SYTL5: variants seen among roughly 807,000 people sequenced by gnomAD.
The protein encoded by SYTL5 is synaptotagmin like 5, also known as synaptotagmin-like protein 5.
SYTL5 carries 34 observed loss-of-function variants against 55.9 expected under a neutral mutation model. That is an observed-to-expected ratio of 0.61 (90% CI 0.46 to 0.81). The LOEUF (loss-of-function observed/expected upper bound fraction) is 0.81. Among genes scored for constraint, SYTL5 ranks in the 30% least tolerant of loss-of-function variants. SYTL5 has a pLI of 0.00. For synonymous variants in SYTL5, 221 were observed against 188.7 expected, an observed-to-expected ratio of 1.17 and a Z score of -1.40; for missense variants, 637 against 546.7, an observed-to-expected ratio of 1.17 and a Z score of -1.65.
chrX:38,044,015 T>C (rs1249282350), intron 2 of SYTL5, among the ~76,000 whole-genome samples: 1 of 110,445 alleles, frequency 9.1e-6, no homozygotes, highest in Non-Finnish European at 1.9e-5. Flanking sequence ...TCTGAGAAAA[T>C]TGATTCAATT....
intron 13 of SYTL5, among the ~76,000 whole-genome samples, chrX:38,116,657 A>G (rs1281254615): frequency 8.9e-6 from 1 of 112,846 alleles, no homozygotes; most frequent in African/African-American, 3.2e-5. Context: ...TTTGTTTTCA[A>G]ATCTTTAGTT....
chrX:37,959,232 C>T, the SYTL5 span, among the ~76,000 whole-genome samples: 2 of 111,801 alleles, frequency 1.8e-5, no homozygotes, highest in Non-Finnish European at 3.8e-5. Context: ...CCCGCAGACC[C>T]TGACCTAAAC....
the SYTL5 span, among the ~76,000 whole-genome samples, chrX:37,988,548 A>G: frequency 8.9e-6 from 1 of 112,287 alleles, no homozygotes; most frequent in Non-Finnish European, 1.9e-5. Flanking sequence ...AGACTGGAAT[A>G]ATTTTCAGGA....
intron 6 of SYTL5, among the ~76,000 whole-genome samples, chrX:38,086,734 A>G (rs1358419037): frequency 8.9e-6 from 1 of 112,188 alleles, no homozygotes; most frequent in African/African-American, 3.2e-5. Context: ...AGATTCGTGT[A>G]TTTTATGTCA....
chrX:37,962,714 TC>T, the SYTL5 span, among the ~76,000 whole-genome samples: 64 of 112,124 alleles, frequency 5.7e-4, 1 homozygote, highest in African/African-American at 2.0e-3. Context: ...TTCCTATTTC[TC>T]CACATCCTCT....
At position 38,128,165 on chromosome X, in the gene SYTL5, T is replaced by C. The variant is rs1244939614; in HGVS notation, c.*1435T>C. 8.9e-6 allele frequency: 1 copy of C among 112,398 alleles called. No individual in the cohort carries two copies. The highest frequency in any genetic ancestry group is 1.9e-5 in the Non-Finnish European group (1 of 53,289). The allele number at this position is 112,398 out of a possible 1,213,427, so 9.3% of individuals were successfully genotyped here. On this transcript the variant is annotated 3_prime_UTR_variant, in exon 17 of 17. Transcript: ENST00000297875. The stretch of plus-strand genomic sequence containing the variant: ...AAGCTAGAAGGAACCTCAGGCCCAG[T>C]TGCTCATTTTGCAGATTCCAAATGT...
chrX:38,057,989 A>G (rs760820575), intron 3 of SYTL5, among the ~76,000 whole-genome samples: 10 of 110,679 alleles, frequency 9.0e-5, no homozygotes, highest in Non-Finnish European at 1.5e-4. Flanking sequence ...TACTAGAGGG[A>G]TTTTTTTCTG....
chrX:37,955,394 G>T, the SYTL5 span, among the ~76,000 whole-genome samples: 5 of 111,729 alleles, frequency 4.5e-5, no homozygotes, highest in African/African-American at 1.6e-4. Flanking sequence ...TTCAATTTAT[G>T]TAATAGATTT....
the SYTL5 span, among the ~76,000 whole-genome samples, chrX:37,930,995 G>A: frequency 8.9e-6 from 1 of 112,054 alleles, no homozygotes; most frequent in African/African-American, 3.2e-5. Context: ...CAGAATCAAG[G>A]GGTAGGAAAA....
chrX:38,004,637 C>T (rs533715441), upstream of SYTL5, among the ~76,000 whole-genome samples: 2 of 111,256 alleles, frequency 1.8e-5, no homozygotes, highest in African/African-American at 6.5e-5. Flanking sequence ...ATGGATGGAA[C>T]TGAAGGTCAT....
chrX:37,974,490 T>G, the SYTL5 span, among the ~76,000 whole-genome samples: 2 of 111,923 alleles, frequency 1.8e-5, no homozygotes, highest in African/African-American at 3.2e-5. Context: ...GAAAAGGTCC[T>G]AGACTTAGGT....
At chrX:37,966,938 G>A in the SYTL5 span, among the ~76,000 whole-genome samples, 1 of 111,405 alleles carries the variant, frequency 9.0e-6, no homozygotes, top group Non-Finnish European at 1.9e-5. Flanking sequence ...TGCATTTTTT[G>A]TAAGGCATGT....
chrX:37,934,814 A>G, the SYTL5 span, among the ~76,000 whole-genome samples: 1 of 109,565 alleles, frequency 9.1e-6, no homozygotes, highest in African/African-American at 3.3e-5. Context: ...TTGTATTTTT[A>G]GTAGAGGTGG....
chrX:37,997,654 G>A, the SYTL5 span, among the ~76,000 whole-genome samples: 3 of 112,323 alleles, frequency 2.7e-5, no homozygotes, highest in African/African-American at 6.5e-5. Context: ...GCCAAGGACA[G>A]CTCAGTGCTG....
In SYTL5 at chrX:38,089,561, C is replaced by T. The variant is rs755977709; in HGVS notation, c.805C>T (p.Arg269Ter). The change falls in exon 7 of 17, where the codon CGA becomes TGA. Residue 269 changes from arginine to a stop codon, truncating the protein, a stop_gained. Coordinates refer to ENST00000297875, the MANE Select transcript of SYTL5 (RefSeq NM_138780.3). LOFTEE classifies it high-confidence loss of function. The part of the protein sequence containing the change: ...GTQSSPAPST[R>*]TVTSVISREY... ...TCAGAGTTCACCAGCCCCAAGCACACGAACTGTGACCTCAGTCATCAGTAG... is the reference window on the plus strand; with the variant it reads ...TCAGAGTTCACCAGCCCCAAGCACATGAACTGTGACCTCAGTCATCAGTAG... 5.0e-6 allele frequency: 6 copies of T among 1,210,383 alleles called. No homozygotes were observed. In the South Asian group the frequency reaches 5.3e-5, roughly 11 times the overall value.
At chrX:38,083,551 G>A (rs927746915) in intron 6 of SYTL5, among the ~76,000 whole-genome samples, 4 of 111,477 alleles carry the variant, frequency 3.6e-5, no homozygotes, top group African/African-American at 9.8e-5. Context: ...ATATGTGCGA[G>A]TAAGCCATAG....
the SYTL5 span, among the ~76,000 whole-genome samples, chrX:37,895,969 T>C: frequency 8.9e-6 from 1 of 112,502 alleles, no homozygotes; most frequent in African/African-American, 3.2e-5. Context: ...TGCATGATTA[T>C]GCTCCCTCTA....
At position 38,126,955 on chromosome X, in the gene SYTL5, G is replaced by A. The variant is rs958801979; in HGVS notation, c.*225G>A. The A allele has an allele frequency of 2.7e-6, 1 of 367,133 alleles. No homozygotes were observed. Among genetic ancestry groups the A allele is most frequent in the Non-Finnish European group, 4.7e-6 (1 of 213,034 alleles). The allele number at this position is 367,133 out of a possible 1,213,427, so 30.3% of individuals were successfully genotyped here. A position where few individuals can be genotyped will look rare whatever the true frequency, so the allele number is the denominator to read the frequency against. ...GGCCTTCTTGATTGGATGATAGAAA[G>A]TGTACTACTTGTCCTGTCAACAAGC... On this transcript the variant is annotated 3_prime_UTR_variant, in exon 17 of 17. Coordinates refer to ENST00000297875, the MANE Select transcript of SYTL5 (RefSeq NM_138780.3).
At chrX:38,000,957 T>C in the SYTL5 span, among the ~76,000 whole-genome samples, 1 of 111,601 alleles carries the variant, frequency 9.0e-6, no homozygotes, top group Non-Finnish European at 1.9e-5. Context: ...CGTGCTCCTC[T>C]TGATGTCCAG....
Sources: allele counts gnomAD v4.1 joint callset (sites outside exome capture counted in the v4.1 genomes callset), GRCh38; gene constraint gnomAD v4.1.1; transcripts MANE v1.5; gene names NCBI Gene and HGNC (gene_info 2026-07-23, HGNC 2026-07-21).